CYB5R4: variants seen among roughly 807,000 people sequenced by gnomAD.
CYB5R4 encodes N-terminal cytochrome b5 and cytochrome b5 oxidoreductase domain-containing protein.
CYB5R4 carries 55 observed loss-of-function variants against 70.2 expected under a neutral mutation model. The observed-to-expected ratio is 0.78, with a 90% CI of 0.63 to 0.98. The LOEUF (loss-of-function observed/expected upper bound fraction) is 0.98, where lower values mean the gene tolerates loss of function less well. CYB5R4 is among the 50% of genes least tolerant of loss of function. The pLI, the probability that CYB5R4 is intolerant of heterozygous loss-of-function variation, is 0.00. For missense variants in CYB5R4, 562 were observed against 612.6 expected (o/e 0.92, Z 0.87); for synonymous variants, 197 against 199.5 (o/e 0.99, Z 0.11).
At chr6:83,890,123 A>T (rs977014443) in intron 2 of CYB5R4, among the ~76,000 whole-genome samples, 1 of 152,208 alleles carries the variant, frequency 6.6e-6, no homozygotes, top group African/African-American at 2.4e-5. Flanking sequence ...ATTATTTAAG[A>T]AATACATTTT....
chr6:83,905,437 A>C lies in CYB5R4; in HGVS notation c.331-3572A>C, dbSNP rs182608618. On this transcript the variant is annotated intron_variant, in intron 3 of 15. Coordinates refer to ENST00000369681, the MANE Select transcript of CYB5R4 (RefSeq NM_016230.4). ...GGTGGGGTAGGACACTTCGGCTTTGATCCTGGGTGTGTGCAGTAGTGTAGT... is the reference window on the plus strand; with the variant it reads ...GGTGGGGTAGGACACTTCGGCTTTGCTCCTGGGTGTGTGCAGTAGTGTAGT... Among the ~76,000 whole-genome samples, 1,143 of 152,166 alleles carry C rather than the reference A, an allele frequency of 7.5e-3. 6 individuals are homozygous for C. The highest frequency in any genetic ancestry group is 0.015 in the Admixed American group (225 of 15,284).
chr6:83,933,372 G>A (rs975372509), intron 10 of CYB5R4, among the ~76,000 whole-genome samples: 4 of 152,178 alleles, frequency 2.6e-5, no homozygotes, highest in Non-Finnish European at 5.9e-5. Flanking sequence ...AAAGGGAGAA[G>A]GGAAGTTGGA....
At chr6:83,894,849 TGAGGAG>T (rs1012001618) in intron 3 of CYB5R4, among the ~76,000 whole-genome samples, 2 of 152,022 alleles carry the variant, frequency 1.3e-5, no homozygotes, top group Non-Finnish European at 2.9e-5. Flanking sequence ...TTGAGTAGGC[TGAGGAG>T]GAGGAGGAGA....
At chr6:83,902,707 C>A (rs934960622) in intron 3 of CYB5R4, among the ~76,000 whole-genome samples, 2 of 152,054 alleles carry the variant, frequency 1.3e-5, no homozygotes, top group African/African-American at 2.4e-5. Context: ...GTTCTTTCAT[C>A]AATGTTCTGT....
chr6:83,965,318 A>T lies in CYB5R4; in HGVS notation c.*5440A>T, dbSNP rs1051889889. 3.3e-5 allele frequency: 5 copies of T among 152,246 alleles called. No homozygotes were observed. Among genetic ancestry groups the T allele is most frequent in the African/African-American group, 1.2e-4 (5 of 41,462 alleles). 9.4% of individuals were successfully genotyped at this position (152,246 alleles called of 1,614,324 possible). A position where few individuals can be genotyped will look rare whatever the true frequency, so the allele number is the denominator to read the frequency against. ...AGCCACAGGGCCAGAGCTGCCCAAG[A>T]CCATGGGAAGCCACCTCTTGCATCA... On this transcript the variant is annotated 3_prime_UTR_variant, in exon 16 of 16. Coordinates refer to ENST00000369681, the MANE Select transcript of CYB5R4 (RefSeq NM_016230.4).
chr6:83,888,711 A>G (rs559633177), intron 2 of CYB5R4, among the ~76,000 whole-genome samples: 4 of 152,164 alleles, frequency 2.6e-5, no homozygotes, highest in African/African-American at 9.7e-5. Flanking sequence ...TGAGTGTTCC[A>G]AGTGAAGGAA....
chr6:83,914,655 G>A (rs866657343), intron 5 of CYB5R4, among the ~76,000 whole-genome samples: 2 of 151,592 alleles, frequency 1.3e-5, no homozygotes, highest in Non-Finnish European at 2.9e-5. Flanking sequence ...CTCCTGCCTC[G>A]GTGTCCTGAG....
In CYB5R4 at chr6:83,955,281, GT is replaced by G. The variant is rs753862495; in HGVS notation, c.1347-12del. The G allele has an allele frequency of 6.4e-7, 1 of 1,572,668 alleles. No individual in the cohort carries two copies. Among genetic ancestry groups the G allele is most frequent in the Non-Finnish European group, 8.6e-7 (1 of 1,160,514 alleles). On this transcript the variant is annotated splice_polypyrimidine_tract_variant and intron_variant, in intron 14 of 15. Transcript: ENST00000369681. ...TTAAAATAATAAACTTTAAAAAGCTGTTTTTCTTTTCCCTAGACTGGATGTT... is the reference window on the plus strand; with the variant it reads ...TTAAAATAATAAACTTTAAAAAGCTGTTTTCTTTTCCCTAGACTGGATGTT...
chr6:83,954,971 C>A (rs2099472116), intron 14 of CYB5R4, among the ~76,000 whole-genome samples: 1 of 151,152 alleles, frequency 6.6e-6, no homozygotes, highest in Admixed American at 6.6e-5. Flanking sequence ...GTCTCAAACT[C>A]CTGTTCTCAA....
intron 3 of CYB5R4, among the ~76,000 whole-genome samples, chr6:83,900,589 T>A (rs2099462754): frequency 6.6e-6 from 1 of 152,202 alleles, no homozygotes; most frequent in Non-Finnish European, 1.5e-5. Flanking sequence ...CCGTTATTAC[T>A]GTGTGGGAGT....
intron 15 of CYB5R4, among the ~76,000 whole-genome samples, chr6:83,958,054 A>G (rs2099472697): frequency 1.3e-5 from 2 of 152,204 alleles, no homozygotes; most frequent in South Asian, 2.1e-4. Context: ...TGTCTGCTAC[A>G]TAGATTATAT....
At chr6:83,919,642 C>A (rs975752664) in intron 7 of CYB5R4, among the ~76,000 whole-genome samples, 188 bp downstream of exon 7, 1 of 152,134 alleles carries the variant, frequency 6.6e-6, no homozygotes, top group African/African-American at 2.4e-5. Flanking sequence ...CAAAGTTACA[C>A]ACTGAGTGGC....
chr6:83,903,123 T>C (rs1422916540), intron 3 of CYB5R4, among the ~76,000 whole-genome samples: 1 of 152,168 alleles, frequency 6.6e-6, no homozygotes, highest in African/African-American at 2.4e-5. Flanking sequence ...GCTTTTAACT[T>C]TTCCCAGTGC....
chr6:83,883,641 A>G (rs1467643377), intron 2 of CYB5R4, among the ~76,000 whole-genome samples: 1 of 152,340 alleles, frequency 6.6e-6, no homozygotes, highest in Non-Finnish European at 1.5e-5. Context: ...GATCTGCAAT[A>G]TAAGATAGAT....
At chr6:83,957,424 C>T (rs1462444665) in intron 15 of CYB5R4, among the ~76,000 whole-genome samples, 3 of 151,892 alleles carry the variant, frequency 2.0e-5, no homozygotes, top group Non-Finnish European at 2.9e-5. Context: ...AGTTCGAGAC[C>T]AGCCTGGCCA....
rs57936974 is a variant in CYB5R4 at position 83,953,108 on chromosome 6, TC to T, written c.1347-2186del. On this transcript the variant is annotated intron_variant, in intron 14 of 15. Transcript: ENST00000369681. ...TGTGTTCTTTGAAATGTTAATGTGTTCCCCGGAATGGACTCTGTGATTGAAT... is the reference window on the plus strand; with the variant it reads ...TGTGTTCTTTGAAATGTTAATGTGTTCCCGGAATGGACTCTGTGATTGAAT... Among the ~76,000 whole-genome samples, 814 of 152,242 alleles carry T rather than the reference TC, an allele frequency of 5.3e-3. 5 individuals are homozygous for T. Among genetic ancestry groups the T allele is most frequent in the African/African-American group, 0.019 (785 of 41,548 alleles).
chr6:83,906,147 G>A (rs554796297), intron 3 of CYB5R4, among the ~76,000 whole-genome samples: 1 of 152,312 alleles, frequency 6.6e-6, no homozygotes, highest in African/African-American at 2.4e-5. Flanking sequence ...TCTGGGCAGA[G>A]TGGTGCTGCC....
intron 12 of CYB5R4, among the ~76,000 whole-genome samples, chr6:83,939,155 T>C (rs61756908): frequency 0.016 from 2,434 of 152,202 alleles, 67 homozygotes; most frequent in African/African-American, 0.055. Context: ...AATACTTATT[T>C]CATCAACTAC....
intron 2 of CYB5R4, among the ~76,000 whole-genome samples, chr6:83,889,120 C>T (rs1487189248): frequency 6.6e-6 from 1 of 152,170 alleles, no homozygotes; most frequent in East Asian, 1.9e-4. Context: ...GGAAATAAGC[C>T]ACCTTCATAA....
Sources: allele counts gnomAD v4.1 joint callset (sites outside exome capture counted in the v4.1 genomes callset), GRCh38; gene constraint gnomAD v4.1.1; transcripts MANE v1.5; gene names NCBI Gene and HGNC (gene_info 2026-07-23, HGNC 2026-07-21).